The following CLIC5 variants were observed in gnomAD, a reference collection of about 807,000 sequenced individuals.
CLIC5 encodes chloride intracellular channel protein 5.
In CLIC5, 20 loss-of-function variants were observed where a neutral mutation model predicts 24.7. That is an observed-to-expected ratio of 0.81 (90% CI 0.57 to 1.18). The LOEUF (loss-of-function observed/expected upper bound fraction) is 1.18, where lower values mean the gene tolerates loss of function less well. Among genes scored for constraint, CLIC5 ranks in the 50% most tolerant of loss-of-function variants. The pLI, the probability that CLIC5 is intolerant of heterozygous loss-of-function variation, is 0.00. For synonymous variants in CLIC5, 159 were observed against 135.6 expected, an observed-to-expected ratio of 1.17 and a Z score of -1.20; for missense variants, 341 against 326.1, an observed-to-expected ratio of 1.05 and a Z score of -0.35.
chr6:45,935,126 C>T (rs1448516329), intron 4 of CLIC5, among the ~76,000 whole-genome samples: 1 of 152,120 alleles, frequency 6.6e-6, no homozygotes, highest in Non-Finnish European at 1.5e-5. Context: ...GTTCAAATGG[C>T]AGATTGAGGG....
rs906336798 is a variant in CLIC5, at chr6:45,970,462, C to A, written c.64-15218G>T. ...GAGTCTGTCTTTTGTAATCCCCAGG[C>A]CAAAAGGGGAAATGAAAATCTTTTT... On this transcript the variant is annotated intron_variant, in intron 1 of 5. Transcript: ENST00000339561. 2.6e-5 allele frequency among the ~76,000 whole-genome samples: 4 copies of A among 152,040 alleles called. No individual in the cohort carries two copies. In the South Asian group the frequency reaches 8.3e-4, roughly 32 times the overall value.
Position 46,011,561 on chromosome 6 carries a change from A to T in CLIC5, c.63+3919T>A, listed in dbSNP as rs555794185. ...ATTGAATAGGTAGTGAAGGCTGAGAACCACTGGTTTCTGTTGAAACCTCAG... is the reference window on the plus strand; with the variant it reads ...ATTGAATAGGTAGTGAAGGCTGAGATCCACTGGTTTCTGTTGAAACCTCAG... On this transcript the variant is annotated intron_variant, in intron 1 of 5. Transcript: ENST00000339561. Among the ~76,000 whole-genome samples, 12 of 152,352 alleles carry T rather than the reference A, an allele frequency of 7.9e-5. 1 individual carries two copies. In the South Asian group the frequency reaches 2.5e-3, roughly 32 times the overall value.
At chr6:46,097,306 T>C in the CLIC5 span, 1 of 152,344 alleles carries the variant, frequency 6.6e-6, no homozygotes, top group South Asian at 2.1e-4. Context: ...TGGGTGTTCT[T>C]CAACTTTTCT....
chr6:45,944,574 ATT>A (rs761318335), intron 3 of CLIC5, among the ~76,000 whole-genome samples: 48 of 141,476 alleles, frequency 3.4e-4, no homozygotes, highest in African/African-American at 1.3e-3. Flanking sequence ...AAAAAAAAAA[ATT>A]TTTCAAAAGT....
intron 1 of CLIC5, among the ~76,000 whole-genome samples, chr6:45,966,218 A>G (rs1765010302): frequency 6.6e-6 from 1 of 152,240 alleles, no homozygotes; most frequent in South Asian, 2.1e-4. Flanking sequence ...AATTAGGGTC[A>G]TGTACATCTG....
At chr6:46,042,950 T>C (rs1182736164) in intron 1 of CLIC5, among the ~76,000 whole-genome samples, 1 of 152,198 alleles carries the variant, frequency 6.6e-6, no homozygotes, top group African/African-American at 2.4e-5. Flanking sequence ...CCAAGGCACA[T>C]GCTTCTGGGT....
the CLIC5 span, among the ~76,000 whole-genome samples, chr6:46,091,440 T>A: frequency 1.3e-5 from 2 of 152,304 alleles, no homozygotes; most frequent in South Asian, 2.1e-4. Context: ...TCCTTTTTTT[T>A]AAAGGCTAAA....
intron 1 of CLIC5, among the ~76,000 whole-genome samples, chr6:46,046,895 T>C (rs539939400): frequency 1.3e-5 from 2 of 152,292 alleles, no homozygotes; most frequent in East Asian, 3.9e-4. Context: ...TCTGTGTCCA[T>C]TTATCTGGTT....
At position 45,949,307 on chromosome 6, in the gene CLIC5, G is replaced by A. The variant is rs755951205; in HGVS notation, c.248C>T (p.Thr83Ile). 6.2e-7 allele frequency: 1 copy of A among 1,614,024 alleles called. No homozygotes were observed. The highest frequency in any genetic ancestry group is 1.1e-5 in the South Asian group (1 of 91,082). The change falls in exon 3 of 6, where the codon ACA becomes ATA. Residue 83 changes from threonine (T) to isoleucine (I), a missense_variant. By Grantham distance (89) the Thr-to-Ile change is moderately conservative. Transcript: ENST00000339561. ...PFLTFNGDVK[T>I]DVNKIEEFLE... The stretch of plus-strand genomic sequence containing the variant: ...GAACTCCTCGATCTTATTGACGTCT[G>A]TCTTCACGTCCCCGTTGAAGGTCAG...
chr6:45,889,490 A>T (rs1398069297), intron 6 of CLIC5, among the ~76,000 whole-genome samples: 1 of 152,180 alleles, frequency 6.6e-6, no homozygotes, highest in Non-Finnish European at 1.5e-5. Context: ...GATATAGAAC[A>T]ATGTATACAC....
chr6:46,119,002 G>A, the CLIC5 span, among the ~76,000 whole-genome samples: 2 of 152,222 alleles, frequency 1.3e-5, no homozygotes, highest in Non-Finnish European at 2.9e-5. Context: ...GAGATTAGAA[G>A]ATGCTTTGCA....
At chr6:45,997,694 C>T (rs558978661) in intron 1 of CLIC5, among the ~76,000 whole-genome samples, 2 of 152,060 alleles carry the variant, frequency 1.3e-5, no homozygotes, top group South Asian at 4.2e-4. Context: ...GCAAAAGTGC[C>T]CTTTATTGTT....
At chr6:45,894,350 C>G (rs1762375937), downstream of CLIC5, among the ~76,000 whole-genome samples, 1 of 151,980 alleles carries the variant, frequency 6.6e-6, no homozygotes, top group Non-Finnish European at 1.5e-5. Context: ...GAAATCTATT[C>G]TAAGGGAAAA....
At chr6:46,000,511 C>T (rs1425951856) in intron 1 of CLIC5, among the ~76,000 whole-genome samples, 3 of 152,162 alleles carry the variant, frequency 2.0e-5, no homozygotes, top group Non-Finnish European at 4.4e-5. Context: ...CTTTGTCTTT[C>T]ATCCCTGGTG....
intron 1 of CLIC5, among the ~76,000 whole-genome samples, chr6:46,045,634 C>T (rs769430397): frequency 6.6e-6 from 1 of 152,068 alleles, no homozygotes; most frequent in Non-Finnish European, 1.5e-5. Context: ...AAACAAGACA[C>T]GTGAATAAGA....
intron 1 of CLIC5, among the ~76,000 whole-genome samples, chr6:46,038,941 T>C (rs1217549809): frequency 6.6e-6 from 1 of 152,238 alleles, no homozygotes; most frequent in African/African-American, 2.4e-5. Flanking sequence ...TAACTTATGA[T>C]GATGTAACAT....
chr6:45,947,947 T>C (rs1214035358), intron 3 of CLIC5, among the ~76,000 whole-genome samples: 2 of 152,230 alleles, frequency 1.3e-5, no homozygotes, highest in Non-Finnish European at 2.9e-5. Context: ...TGACAAAGAA[T>C]ATTTTTAAGG....
chr6:46,112,203 G>T, the CLIC5 span, among the ~76,000 whole-genome samples: 3 of 152,196 alleles, frequency 2.0e-5, no homozygotes, highest in African/African-American at 7.2e-5. Flanking sequence ...GGCGGCATTT[G>T]TATCAGTAGA....
chr6:46,074,864 G>T (rs1762724511), intron 1 of CLIC5, among the ~76,000 whole-genome samples: 1 of 152,138 alleles, frequency 6.6e-6, no homozygotes, highest in African/African-American at 2.4e-5. Flanking sequence ...GAAGAAATTT[G>T]GGTCCAGGGA....
Sources: gnomAD v4.1 joint callset for allele counts (sites outside exome capture counted in the v4.1 genomes callset) on GRCh38, gnomAD v4.1.1 for gene constraint, MANE v1.5 for transcripts, NCBI Gene and HGNC (gene_info 2026-07-23, HGNC 2026-07-21) for gene names.